The following UGT8 variants were observed in gnomAD, a reference collection of about 807,000 sequenced individuals.
UGT8 encodes UDP glycosyltransferase 8.
A neutral mutation model predicts 40.5 loss-of-function variants in UGT8; 12 were observed. The observed-to-expected ratio is 0.30, with a 90% CI of 0.19 to 0.48. The LOEUF is 0.48. UGT8 is among the 20% of genes least tolerant of loss of function. UGT8 has a pLI of 0.99. For missense variants in UGT8, 513 were observed against 648.7 expected (o/e 0.79, Z 2.27); for synonymous variants, 224 against 240.4 (o/e 0.93, Z 0.63).
intron 2 of UGT8, 61 bp downstream of exon 2, chr4:114,623,763 G>A: frequency 6.6e-7 from 1 of 1,512,888 alleles, no homozygotes; most frequent in Non-Finnish European, 8.8e-7. Flanking sequence ...TTTGATTTTT[G>A]GAAGAGATAT....
chr4:114,677,230 A>G lies in UGT8; in HGVS notation c.*942A>G, dbSNP rs1735714285. 1 of 152,202 alleles carries G rather than the reference A, an allele frequency of 6.6e-6. No homozygotes were observed. The highest frequency in any genetic ancestry group is 1.5e-5 in the Non-Finnish European group (1 of 68,022). 9.4% of individuals were successfully genotyped at this position (152,202 alleles called of 1,614,324 possible). ...TGTTTATGTAACTGATGGCTTTTCTATAATGTAATTTTTGAATGTTCAGGT... is the reference window on the plus strand; with the variant it reads ...TGTTTATGTAACTGATGGCTTTTCTGTAATGTAATTTTTGAATGTTCAGGT... On this transcript the variant is annotated 3_prime_UTR_variant, in exon 6 of 6. Transcript: ENST00000310836.
At chr4:114,654,804 C>G (rs1374928127) in intron 2 of UGT8, among the ~76,000 whole-genome samples, 1 of 152,060 alleles carries the variant, frequency 6.6e-6, no homozygotes, top group African/African-American at 2.4e-5. Context: ...AGAGAAGTCA[C>G]GAGTCAGCCA....
intron 1 of UGT8, among the ~76,000 whole-genome samples, chr4:114,621,811 C>T (rs1388400488): frequency 6.6e-6 from 1 of 152,090 alleles, no homozygotes; most frequent in African/African-American, 2.4e-5. Flanking sequence ...TAATATATTT[C>T]AGTTTATGTC....
chr4:114,642,933 A>G (rs1453572832), intron 2 of UGT8, among the ~76,000 whole-genome samples: 4 of 152,166 alleles, frequency 2.6e-5, no homozygotes, highest in Non-Finnish European at 4.4e-5. Flanking sequence ...TCATACCTCA[A>G]TCAGAACAAA....
At chr4:114,622,338 T>C (rs1462810331) in intron 1 of UGT8, 1 of 151,462 alleles carries the variant, frequency 6.6e-6, no homozygotes, top group Non-Finnish European at 1.5e-5. Context: ...CCACATTTTC[T>C]TAATCCAGTC....
chr4:114,676,840 C>A lies in UGT8; in HGVS notation c.*552C>A, dbSNP rs1341207646. 3 of 150,488 alleles carry A rather than the reference C, an allele frequency of 2.0e-5. No homozygotes were observed. The highest frequency in any genetic ancestry group is 3.0e-5 in the Non-Finnish European group (2 of 67,712). 9.3% of individuals were successfully genotyped at this position (150,488 alleles called of 1,614,324 possible). A position where few individuals can be genotyped will look rare whatever the true frequency, so the allele number is the denominator to read the frequency against. ...CACTACCATGAAAGAACACTTCCCC[C>A]CAAAACTGGATGCAGAGGAAGAAAA... On this transcript the variant is annotated 3_prime_UTR_variant, in exon 6 of 6. Transcript: ENST00000310836.
At chr4:114,663,168 G>A (rs1225688251) in intron 2 of UGT8, among the ~76,000 whole-genome samples, 2 of 152,118 alleles carry the variant, frequency 1.3e-5, no homozygotes, top group East Asian at 1.9e-4. Flanking sequence ...TACAAATCAC[G>A]TTATGCTACA....
intron 1 of UGT8, 105 bp from the exon 2 acceptor site, chr4:114,622,774 A>T (rs1197835919): frequency 3.8e-6 from 4 of 1,039,014 alleles, no homozygotes; most frequent in Non-Finnish European, 5.4e-6. Flanking sequence ...TTTTTTAGAC[A>T]AAGTATTAGA....
chr4:114,671,826 G>T (rs886852033), intron 5 of UGT8, among the ~76,000 whole-genome samples: 1 of 152,154 alleles, frequency 6.6e-6, no homozygotes, highest in Non-Finnish European at 1.5e-5. Context: ...ATTGACAAAT[G>T]GGATTTCATT....
At chr4:114,622,831 G>A (rs1731906314) in intron 1 of UGT8, 48 bp from the exon 2 acceptor site, 1 of 1,490,510 alleles carries the variant, frequency 6.7e-7, no homozygotes, top group South Asian at 1.3e-5. Context: ...TGTTTTGAAT[G>A]GTGAGCATTG....
intron 1 of UGT8, among the ~76,000 whole-genome samples, chr4:114,618,814 A>G (rs942633904): frequency 4.6e-5 from 7 of 152,166 alleles, no homozygotes; most frequent in African/African-American, 7.2e-5. Context: ...GGTAAAAAAT[A>G]TAGTGATTTT....
intron 2 of UGT8, among the ~76,000 whole-genome samples, chr4:114,626,300 A>C (rs981362270): frequency 6.6e-6 from 1 of 152,192 alleles, no homozygotes; most frequent in African/African-American, 2.4e-5. Flanking sequence ...TATTATTTAC[A>C]GGGCATTGTT....
intron 1 of UGT8, among the ~76,000 whole-genome samples, chr4:114,604,679 C>T (rs965512421): frequency 7.9e-5 from 12 of 151,952 alleles, no homozygotes; most frequent in Non-Finnish European, 1.5e-4. Flanking sequence ...TGGAAGTCAA[C>T]CAACAATTGC....
At chr4:114,615,146 T>TC (rs1731327831) in intron 1 of UGT8, among the ~76,000 whole-genome samples, 1 of 152,112 alleles carries the variant, frequency 6.6e-6, no homozygotes, top group Non-Finnish European at 1.5e-5. Flanking sequence ...TTCTTTTTTT[T>TC]CTCTCTTCAC....
intron 1 of UGT8, among the ~76,000 whole-genome samples, chr4:114,602,038 T>C (rs1168993747): frequency 1.3e-5 from 2 of 152,164 alleles, no homozygotes; most frequent in African/African-American, 2.4e-5. Context: ...TGAACTGAAA[T>C]GTTTAGGTTT....
chr4:114,666,963 C>T (rs1329146232), intron 4 of UGT8, among the ~76,000 whole-genome samples: 3 of 152,152 alleles, frequency 2.0e-5, no homozygotes, highest in African/African-American at 7.2e-5. Flanking sequence ...TTTCCCCTCC[C>T]CTCGTAGCCG....
intron 2 of UGT8, among the ~76,000 whole-genome samples, chr4:114,629,782 G>GA (rs1732460204): frequency 6.6e-6 from 1 of 152,140 alleles, no homozygotes; most frequent in Non-Finnish European, 1.5e-5. Context: ...TATGATAGGA[G>GA]ATCCAATATA....
At chr4:114,643,451 T>C (rs1475580276) in intron 2 of UGT8, among the ~76,000 whole-genome samples, 1 of 152,136 alleles carries the variant, frequency 6.6e-6, no homozygotes, top group Non-Finnish European at 1.5e-5. Context: ...AAAGAGAAAC[T>C]TATGGGGATT....
intron 5 of UGT8, among the ~76,000 whole-genome samples, chr4:114,674,246 A>AT (rs1735478276): frequency 6.9e-6 from 1 of 144,094 alleles, no homozygotes; most frequent in African/African-American, 2.5e-5. Flanking sequence ...AACTGTAATC[A>AT]TTTCCAGCAG....
Sources: allele counts gnomAD v4.1 joint callset (sites outside exome capture counted in the v4.1 genomes callset), GRCh38; gene constraint gnomAD v4.1.1; transcripts MANE v1.5; gene names NCBI Gene and HGNC (gene_info 2026-07-23, HGNC 2026-07-21).